The following GPR137B variants were observed in gnomAD, a reference collection of about 807,000 sequenced individuals.
GPR137B encodes integral membrane protein GPR137B.
A neutral mutation model predicts 42.5 loss-of-function variants in GPR137B; 42 were observed. The observed-to-expected ratio is 0.99, with a 90% CI of 0.77 to 1.28. The LOEUF is 1.28. GPR137B is among the 50% of genes most tolerant of loss of function. The pLI, the probability that GPR137B is intolerant of heterozygous loss-of-function variation, is 0.00. For missense variants in GPR137B, 487 were observed against 493.9 expected, an observed-to-expected ratio of 0.99 and a Z score of 0.13; for synonymous variants, 218 against 209.7, an observed-to-expected ratio of 1.04 and a Z score of -0.34.
At chr1:236,184,032 C>T (rs1388240435) in intron 5 of GPR137B, 126 bp downstream of exon 5, 19 of 604,878 alleles carry the variant, frequency 3.1e-5, no homozygotes, top group Non-Finnish European at 4.8e-5. Context: ...TGAAAAGTTT[C>T]CTTGACTATT....
intron 4 of GPR137B, among the ~76,000 whole-genome samples, chr1:236,181,218 A>G (rs1662865114): frequency 6.6e-6 from 1 of 152,242 alleles, no homozygotes; most frequent in African/African-American, 2.4e-5. Context: ...ATAAATGTAT[A>G]AGTTACGAGT....
At chr1:236,194,540 C>A (rs540439646) in intron 5 of GPR137B, among the ~76,000 whole-genome samples, 4 of 152,276 alleles carry the variant, frequency 2.6e-5, no homozygotes, top group African/African-American at 9.6e-5. Flanking sequence ...CACCTCTGTT[C>A]ATGTTCTATT....
chr1:236,181,835 A>G (rs1012793164), intron 4 of GPR137B, among the ~76,000 whole-genome samples: 2 of 152,132 alleles, frequency 1.3e-5, no homozygotes, highest in African/African-American at 4.8e-5. Flanking sequence ...ATTAGAGACA[A>G]TCATAATACA....
In GPR137B at chr1:236,178,572, C is replaced by G. The variant is rs763685498; in HGVS notation, c.623C>G (p.Ser208Cys). 1.2e-6 allele frequency: 2 copies of G among 1,613,048 alleles called. No homozygotes were observed. The highest frequency in any genetic ancestry group is 1.7e-6 in the Non-Finnish European group (2 of 1,179,880). Residue 208 changes from serine (S) to cysteine (C), a missense_variant, in exon 3 of 7, where the codon TCT (serine) becomes TGT (cysteine). Coordinates refer to ENST00000366592, the MANE Select transcript of GPR137B (RefSeq NM_003272.4). ...ACGCTCTTCGTGCTGTGTGCCGTCT[C>G]TCTCTCCATCTGTCTCTACAAAATC... ...NDTLFVLCAV[S>C]LSICLYKISK...
intron 1 of GPR137B, among the ~76,000 whole-genome samples, chr1:236,144,220 G>C (rs1401975138): frequency 6.6e-6 from 1 of 152,086 alleles, no homozygotes; most frequent in Non-Finnish European, 1.5e-5. Flanking sequence ...TTTGAGACCG[G>C]CCTGGGCAAC....
In GPR137B at chr1:236,150,728, C is replaced by T. The variant is rs888486140; in HGVS notation, c.414+7692C>T. Among the ~76,000 whole-genome samples the T allele has an allele frequency of 2.6e-5, 4 of 152,222 alleles. No individual in the cohort carries two copies. Among genetic ancestry groups the T allele is most frequent in the African/African-American group, 4.8e-5 (2 of 41,458 alleles). On this transcript the variant is annotated intron_variant, in intron 1 of 6. Coordinates refer to ENST00000366592, the MANE Select transcript of GPR137B (RefSeq NM_003272.4). The surrounding 1 kb of genome is among the most constrained non-coding windows in gnomAD (Gnocchi z 6.2). ...ACTGTGGCACCTGCAGGCTTTGCTA[C>T]GGCTTCTTGCTCACCTGCCTTTCCG...
chr1:236,146,637 C>T (rs1001373503), intron 1 of GPR137B, among the ~76,000 whole-genome samples: 2 of 152,226 alleles, frequency 1.3e-5, no homozygotes, highest in Admixed American at 6.5e-5. Context: ...GTGCAATGCA[C>T]ACGATGCTGC....
Position 236,208,314 on chromosome 1 carries a change from A to G in GPR137B, c.*156A>G, listed in dbSNP as rs768553991. Reference sequence around the variant, plus strand: ...GCCCCATAGGAATAAGCAATAATGTAGACTGATAAACCCTTATTTTAGTAC... The same window carrying G: ...GCCCCATAGGAATAAGCAATAATGTGGACTGATAAACCCTTATTTTAGTAC... On this transcript the variant is annotated 3_prime_UTR_variant, in exon 7 of 7. Transcript: ENST00000366592. 6.7e-4 allele frequency: 952 copies of G among 1,414,836 alleles called. 3 individuals are homozygous for G. Among genetic ancestry groups the G allele is most frequent in the South Asian group, 9.2e-4 (55 of 59,650 alleles). 87.6% of individuals were successfully genotyped at this position (1,414,836 alleles called of 1,614,324 possible). A position where few individuals can be genotyped will look rare whatever the true frequency, so the allele number is the denominator to read the frequency against.
chr1:236,184,915 C>T (rs1355342147), intron 5 of GPR137B, among the ~76,000 whole-genome samples: 2 of 152,032 alleles, frequency 1.3e-5, no homozygotes, highest in African/African-American at 2.4e-5. Flanking sequence ...TACAGATGCA[C>T]GCCACCATGC....
rs533382940 is a variant in GPR137B at position 236,150,125 on chromosome 1, G to A, written c.414+7089G>A. 1.3e-5 allele frequency among the ~76,000 whole-genome samples: 2 copies of A among 150,796 alleles called. No homozygotes were observed. Among genetic ancestry groups the A allele is most frequent in the East Asian group, 2.0e-4 (1 of 5,124 alleles). On this transcript the variant is annotated intron_variant, in intron 1 of 6. Transcript: ENST00000366592. The surrounding 1 kb of genome is among the most constrained non-coding windows in gnomAD (Gnocchi z 6.2). ...TGTGCCTGTGTATGTCTGTGCCTGC[G>A]TGTGCCTGTGTGTGTGCCTCTGTTT...
chr1:236,169,944 G>A (rs761169295), intron 2 of GPR137B, among the ~76,000 whole-genome samples: 12 of 151,654 alleles, frequency 7.9e-5, no homozygotes, highest in Non-Finnish European at 1.5e-4. Context: ...GGAGGCTGAG[G>A]TGGGAGAATC....
chr1:236,152,761 A>C (rs1375458886), intron 1 of GPR137B, among the ~76,000 whole-genome samples: 4 of 151,970 alleles, frequency 2.6e-5, no homozygotes, highest in African/African-American at 9.7e-5. Context: ...TCTCAAAAAG[A>C]AAAACAATGT....
At chr1:236,205,892 T>C (rs1486353942) in intron 6 of GPR137B, among the ~76,000 whole-genome samples, 1 of 152,232 alleles carries the variant, frequency 6.6e-6, no homozygotes, top group Non-Finnish European at 1.5e-5. Context: ...TGCTAATGTG[T>C]GCTCTGAATC....
chr1:236,194,485 G>A (rs56157418), intron 5 of GPR137B, among the ~76,000 whole-genome samples: 25,799 of 152,106 alleles, frequency 0.17, 2,552 homozygotes, highest in African/African-American at 0.25. Flanking sequence ...GCTGCAATTA[G>A]TCTTAGCAAA....
At chr1:236,178,702 A>T in intron 3 of GPR137B, 66 bp downstream of exon 3, 1 of 1,047,516 alleles carries the variant, frequency 9.5e-7, no homozygotes, top group Non-Finnish European at 1.5e-6. Flanking sequence ...CCTGGTTTGC[A>T]AAAGTACATT....
At chr1:236,145,243 T>A (rs7549800) in intron 1 of GPR137B, among the ~76,000 whole-genome samples, 109,984 of 152,104 alleles carry the variant, frequency 0.72, 40,867 homozygotes, top group African/African-American at 0.91. Context: ...TCTGCCTCCC[T>A]TCTCCTCCTC....
chr1:236,154,911 T>G (rs1661975001), intron 1 of GPR137B, among the ~76,000 whole-genome samples: 1 of 152,212 alleles, frequency 6.6e-6, no homozygotes, highest in Non-Finnish European at 1.5e-5. Context: ...GCTTCTAATG[T>G]GTCACCTTCC....
intron 2 of GPR137B, 128 bp downstream of exon 2, chr1:236,168,883 C>A: frequency 1.4e-6 from 1 of 736,778 alleles, no homozygotes; most frequent in South Asian, 1.5e-5. Flanking sequence ...TGCCTGCTGG[C>A]TGGCTGCCCA....
Position 236,208,440 on chromosome 1 carries a change from C to A in GPR137B, c.*282C>A. 1 of 929,910 alleles carries A rather than the reference C, an allele frequency of 1.1e-6. No individual in the cohort carries two copies. Among genetic ancestry groups the A allele is most frequent in the South Asian group, 4.5e-5 (1 of 22,240 alleles). 57.6% of individuals were successfully genotyped at this position (929,910 alleles called of 1,614,324 possible). On this transcript the variant is annotated 3_prime_UTR_variant, in exon 7 of 7. Coordinates refer to ENST00000366592, the MANE Select transcript of GPR137B (RefSeq NM_003272.4). Reference sequence around the variant, plus strand: ...ATTTTGTATAACTTAAATAATAATGCTAAAGTATACTAGGGTTTTTTTTTC... The same window carrying A: ...ATTTTGTATAACTTAAATAATAATGATAAAGTATACTAGGGTTTTTTTTTC...
Sources: gnomAD v4.1 joint callset for allele counts (sites outside exome capture counted in the v4.1 genomes callset) on GRCh38, gnomAD v4.1.1 for gene constraint, Gnocchi (gnomAD v3.1) non-coding constraint, MANE v1.5 for transcripts, NCBI Gene and HGNC (gene_info 2026-07-23, HGNC 2026-07-21) for gene names.